The following PLCL1 variants were observed in gnomAD, a reference collection of about 807,000 sequenced individuals.
PLCL1 encodes phospholipase C like 1 (inactive), also known as inactive phospholipase C-like protein 1.
PLCL1 carries 41 observed loss-of-function variants against 84.4 expected under a neutral mutation model. That is an observed-to-expected ratio of 0.49 (90% confidence interval 0.38 to 0.63). PLCL1 has a LOEUF of 0.63. PLCL1 is among the 30% of genes least tolerant of loss of function. PLCL1 has a pLI of 0.00. For missense variants in PLCL1, 1,206 were observed against 1,367.8 expected (o/e 0.88, Z 1.87); for synonymous variants, 490 against 488.3 (o/e 1.00, Z -0.05).
At chr2:198,062,920 C>T (rs926150945) in intron 1 of PLCL1, among the ~76,000 whole-genome samples, 2 of 152,034 alleles carry the variant, frequency 1.3e-5, no homozygotes, top group Admixed American at 6.6e-5. Flanking sequence ...TTATTAAAAC[C>T]CAAAATTTCT....
chr2:197,924,475 CAGT>C (rs1164731281), intron 1 of PLCL1, among the ~76,000 whole-genome samples: 2 of 151,992 alleles, frequency 1.3e-5, no homozygotes, highest in Non-Finnish European at 2.9e-5. Flanking sequence ...CAACAACAAA[CAGT>C]AGCACTAAAA....
chr2:197,996,421 ACT>A (rs1258397616), intron 1 of PLCL1, among the ~76,000 whole-genome samples: 5 of 152,076 alleles, frequency 3.3e-5, no homozygotes, highest in Non-Finnish European at 5.9e-5. Flanking sequence ...CACAAAGAAA[ACT>A]CTATTGTAAA....
chr2:197,907,470 T>C (rs988506174), intron 1 of PLCL1, among the ~76,000 whole-genome samples: 3 of 152,138 alleles, frequency 2.0e-5, no homozygotes, highest in Non-Finnish European at 4.4e-5. Flanking sequence ...ACTCCTAATC[T>C]CAAGTGATCT....
chr2:198,094,821 C>T (rs1460216908), intron 3 of PLCL1, among the ~76,000 whole-genome samples: 1 of 151,948 alleles, frequency 6.6e-6, no homozygotes, highest in African/African-American at 2.4e-5. Flanking sequence ...ACGGGCAGCC[C>T]TGTTTACTGT....
chr2:197,973,005 A>C (rs1186319484), intron 1 of PLCL1, among the ~76,000 whole-genome samples: 1 of 152,204 alleles, frequency 6.6e-6, no homozygotes, highest in African/African-American at 2.4e-5. Flanking sequence ...GCAGAGCAGG[A>C]GACAGCAATA....
chr2:197,984,623 T>C (rs1690184178), intron 1 of PLCL1, among the ~76,000 whole-genome samples: 1 of 152,236 alleles, frequency 6.6e-6, no homozygotes, highest in Non-Finnish European at 1.5e-5. Context: ...TAATACCAAC[T>C]TGTTAAATTT....
intron 1 of PLCL1, among the ~76,000 whole-genome samples, chr2:198,040,101 C>A (rs1691625155): frequency 6.6e-6 from 1 of 152,140 alleles, no homozygotes; most frequent in South Asian, 2.1e-4. Flanking sequence ...AGAATGGTTG[C>A]AACAATATTT....
intron 1 of PLCL1, among the ~76,000 whole-genome samples, chr2:197,952,263 CTTTA>C (rs1689403467): frequency 6.6e-6 from 1 of 152,098 alleles, no homozygotes; most frequent in Non-Finnish European, 1.5e-5. Flanking sequence ...AGACTTTTAA[CTTTA>C]TTTATGTCCT....
At chr2:197,892,047 A>G (rs1688039826) in intron 1 of PLCL1, among the ~76,000 whole-genome samples, 1 of 152,164 alleles carries the variant, frequency 6.6e-6, no homozygotes, top group African/African-American at 2.4e-5. Flanking sequence ...TGTTATGGTA[A>G]TATCCCTAAC....
At chr2:198,000,212 G>A (rs1278146359) in intron 1 of PLCL1, among the ~76,000 whole-genome samples, 2 of 152,092 alleles carry the variant, frequency 1.3e-5, no homozygotes, top group African/African-American at 2.4e-5. Flanking sequence ...TCTTAATTGC[G>A]ATACTTTGCA....
intron 1 of PLCL1, among the ~76,000 whole-genome samples, chr2:197,882,680 TA>T (rs1478405487): frequency 3.3e-5 from 5 of 152,114 alleles, no homozygotes; most frequent in African/African-American, 1.2e-4. Flanking sequence ...AAAACAAGAA[TA>T]AAAAATTCTA....
intron 5 of PLCL1, among the ~76,000 whole-genome samples, chr2:198,117,075 A>C (rs1693763583): frequency 6.6e-6 from 1 of 151,908 alleles, no homozygotes; most frequent in African/African-American, 2.4e-5. Context: ...TTATGAAAAA[A>C]ACTAGAATAA....
In PLCL1 at chr2:197,973,421, T is replaced by C. The variant is rs372283998; in HGVS notation, c.241-110337T>C. ...ATAATTCAATTGAAGAACATTTATG[T>C]ATAGTTTATTCATGAATCCTACATT... On this transcript the variant is annotated intron_variant, in intron 1 of 5. Transcript: ENST00000428675. Among the ~76,000 whole-genome samples the C allele has an allele frequency of 4.5e-4, 68 of 152,334 alleles. No individual in the cohort carries two copies. The South Asian group carries it at 0.014, about 31-fold the overall frequency.
At chr2:198,123,199 T>G (rs530133092) in intron 5 of PLCL1, among the ~76,000 whole-genome samples, 2 of 152,232 alleles carry the variant, frequency 1.3e-5, no homozygotes, top group African/African-American at 4.8e-5. Flanking sequence ...TTGTTATTCA[T>G]GTTACAATAG....
At chr2:197,982,202 T>C (rs1690119729) in intron 1 of PLCL1, among the ~76,000 whole-genome samples, 1 of 149,792 alleles carries the variant, frequency 6.7e-6, no homozygotes, top group Non-Finnish European at 1.5e-5. Context: ...ATAGAATTTA[T>C]GTATATATAT....
At chr2:197,935,894 A>G (rs1367299780) in intron 1 of PLCL1, among the ~76,000 whole-genome samples, 1 of 152,082 alleles carries the variant, frequency 6.6e-6, no homozygotes, top group African/African-American at 2.4e-5. Context: ...CTTGACCAAC[A>G]TCTCCCACCT....
chr2:198,142,047 T>C (rs578129862), intron 5 of PLCL1, among the ~76,000 whole-genome samples: 1 of 152,216 alleles, frequency 6.6e-6, no homozygotes, highest in East Asian at 1.9e-4. Flanking sequence ...CAAGGGATAG[T>C]GCGGTTCATG....
chr2:198,036,024 C>T (rs1429066860), intron 1 of PLCL1, among the ~76,000 whole-genome samples: 1 of 152,096 alleles, frequency 6.6e-6, no homozygotes, highest in Non-Finnish European at 1.5e-5. Context: ...GCAACAGAGC[C>T]AGACTCTGTC....
intron 1 of PLCL1, among the ~76,000 whole-genome samples, chr2:198,048,111 A>C (rs1324820378): frequency 6.6e-6 from 1 of 152,250 alleles, no homozygotes; most frequent in East Asian, 1.9e-4. Flanking sequence ...TTCTGAGTAA[A>C]GTATGAAGCT....
Sources: allele counts gnomAD v4.1 joint callset (sites outside exome capture counted in the v4.1 genomes callset), GRCh38; gene constraint gnomAD v4.1.1; transcripts MANE v1.5; gene names NCBI Gene and HGNC (gene_info 2026-07-23, HGNC 2026-07-21).